The following SORCS2 variants were observed in gnomAD, a reference collection of about 807,000 sequenced individuals.
The protein encoded by SORCS2 is VPS10 domain-containing receptor SorCS2.
In SORCS2, 100 loss-of-function variants were observed where a neutral mutation model predicts 141.6. The observed-to-expected ratio is 0.71, with a 90% CI of 0.60 to 0.83. SORCS2 has a LOEUF of 0.83. Among genes scored for constraint, SORCS2 ranks in the 40% least tolerant of loss-of-function variants. The pLI is 0.00. For missense variants in SORCS2, 1,646 were observed against 1,560.2 expected (o/e 1.05, Z -0.93); for synonymous variants, 789 against 676.9 (o/e 1.17, Z -2.57).
chr4:7,640,052 TGA>T lies in SORCS2; in HGVS notation c.813+1562_813+1563del, dbSNP rs538700660. Among the ~76,000 whole-genome samples the T allele has an allele frequency of 3.8e-4, 29 of 75,434 alleles. No homozygotes were observed. The East Asian group carries it at 0.19, about 494-fold the overall frequency. The allele number at this position is 75,434 out of a possible 152,430, so 49.5% of individuals were successfully genotyped here. On this transcript the variant is annotated intron_variant, in intron 4 of 26. Coordinates refer to ENST00000507866, the MANE Select transcript of SORCS2 (RefSeq NM_020777.3). ...ACGTGAGTGTGCATGTGTGAGAGTG[TGA>T]GTGTGTGTGTTTATGAGTGTGAAAC...
chr4:7,649,275 G>A (rs1393860359), intron 4 of SORCS2, among the ~76,000 whole-genome samples: 1 of 151,496 alleles, frequency 6.6e-6, no homozygotes, highest in African/African-American at 2.4e-5. Context: ...ATGTGTGAGT[G>A]AGCCCTGAGC....
At chr4:7,582,120 A>G (rs1716199657) in intron 3 of SORCS2, among the ~76,000 whole-genome samples, 1 of 152,356 alleles carries the variant, frequency 6.6e-6, no homozygotes, top group Non-Finnish European at 1.5e-5. Flanking sequence ...TATTCTGAGA[A>G]TATTATGCCA....
chr4:7,421,630 T>C (rs1726066105), intron 2 of SORCS2, among the ~76,000 whole-genome samples: 1 of 152,144 alleles, frequency 6.6e-6, no homozygotes, highest in African/African-American at 2.4e-5. Flanking sequence ...TCCCTTTGTG[T>C]GTCTCCTAAG....
intron 3 of SORCS2, among the ~76,000 whole-genome samples, chr4:7,533,936 G>A (rs1346221280): frequency 6.6e-6 from 1 of 152,276 alleles, no homozygotes; most frequent in Admixed American, 6.5e-5. Flanking sequence ...CTGGGGCTGC[G>A]ATGTGGGGTG....
intron 4 of SORCS2, among the ~76,000 whole-genome samples, chr4:7,649,226 G>C (rs753574704): frequency 6.6e-6 from 1 of 152,020 alleles, no homozygotes; most frequent in African/African-American, 2.4e-5. Flanking sequence ...CACAGCACGC[G>C]CAGATGCTCA....
At chr4:7,373,480 T>A (rs12501267) in intron 1 of SORCS2, among the ~76,000 whole-genome samples, 411 of 12,014 alleles carry the variant, frequency 0.034, 24 homozygotes, top group African/African-American at 0.071. Flanking sequence ...ATATATATAT[T>A]TTTTTTTTTT....
chr4:7,290,463 C>T (rs895098884), intron 1 of SORCS2, among the ~76,000 whole-genome samples: 17 of 152,128 alleles, frequency 1.1e-4, no homozygotes, highest in South Asian at 4.1e-4. Context: ...TGATTTTTTT[C>T]CCTTCCTGGA....
At chr4:7,700,263 A>G (rs1724977159) in intron 12 of SORCS2, among the ~76,000 whole-genome samples, 1 of 152,216 alleles carries the variant, frequency 6.6e-6, no homozygotes, top group African/African-American at 2.4e-5. Context: ...TCCACAAAAC[A>G]TTGGCTGAGC....
chr4:7,532,000 G>T (rs555696559), intron 3 of SORCS2, among the ~76,000 whole-genome samples: 1 of 152,228 alleles, frequency 6.6e-6, no homozygotes, highest in Non-Finnish European at 1.5e-5. Context: ...GAGCAGGCCC[G>T]TTCTTCGGAA....
At chr4:7,482,166 T>C (rs1326293289) in intron 2 of SORCS2, among the ~76,000 whole-genome samples, 3 of 45,348 alleles carry the variant, frequency 6.6e-5, no homozygotes, top group Non-Finnish European at 1.2e-4. Context: ...CCCCTGACGC[T>C]GTTCAGACCT....
chr4:7,439,327 A>G (rs570671364), intron 2 of SORCS2, among the ~76,000 whole-genome samples: 1 of 152,292 alleles, frequency 6.6e-6, no homozygotes, highest in Non-Finnish European at 1.5e-5. Context: ...CTTGGCTCCC[A>G]TGATTTTTAA....
rs544182527 is a variant in SORCS2 at position 7,356,717 on chromosome 4, T to C, written c.481-39571T>C. On this transcript the variant is annotated intron_variant, in intron 1 of 26. Coordinates refer to ENST00000507866, the MANE Select transcript of SORCS2 (RefSeq NM_020777.3). Reference sequence around the variant, plus strand: ...AGCAGCCCCTCTCTGTGCTGTAACATAGGCTTCATAAGTGCAGGCCTGGCT... The same window carrying C: ...AGCAGCCCCTCTCTGTGCTGTAACACAGGCTTCATAAGTGCAGGCCTGGCT... Among the ~76,000 whole-genome samples the C allele has an allele frequency of 2.0e-3, 299 of 152,354 alleles. 1 individual carries two copies. Among genetic ancestry groups the C allele is most frequent in the Non-Finnish European group, 3.2e-3 (218 of 68,036 alleles).
chr4:7,507,732 A>G (rs1242205722), intron 2 of SORCS2, among the ~76,000 whole-genome samples: 2 of 127,418 alleles, frequency 1.6e-5, no homozygotes, highest in African/African-American at 2.6e-5. Context: ...TCAGTGGTCC[A>G]TTTTGTACTT....
chr4:7,304,307 C>T lies in SORCS2; in HGVS notation c.481-91981C>T, dbSNP rs1410265470. On this transcript the variant is annotated intron_variant, in intron 1 of 26. Transcript: ENST00000507866. ...GGCTCAAAACCCCCTTTTTCATTAG[C>T]GACGGGGGCAGGTGATGGTTGGTGC... is the stretch of plus-strand genomic sequence containing the variant. Among the ~76,000 whole-genome samples the T allele has an allele frequency of 5.3e-5, 8 of 152,164 alleles. No homozygotes were observed. In the East Asian group the frequency reaches 1.2e-3, roughly 22 times the overall value.
At chr4:7,390,380 G>A (rs970489504) in intron 1 of SORCS2, among the ~76,000 whole-genome samples, 10 of 152,170 alleles carry the variant, frequency 6.6e-5, no homozygotes, top group Non-Finnish European at 1.2e-4. Context: ...GTCCTAAGTT[G>A]GAGGTGCTCA....
chr4:7,524,146 GT>G (rs1304386454), intron 2 of SORCS2, among the ~76,000 whole-genome samples: 8 of 152,218 alleles, frequency 5.3e-5, no homozygotes, highest in African/African-American at 1.9e-4. Flanking sequence ...AACCTCAGGG[GT>G]GACGCTATTG....
chr4:7,579,270 T>G (rs1715979874), intron 3 of SORCS2, among the ~76,000 whole-genome samples: 1 of 152,246 alleles, frequency 6.6e-6, no homozygotes, highest in Admixed American at 6.5e-5. Context: ...ATTATTATGA[T>G]TATTTTAATT....
intron 3 of SORCS2, among the ~76,000 whole-genome samples, chr4:7,544,076 C>CCACA (rs1713056784): frequency 6.6e-6 from 1 of 150,636 alleles, no homozygotes; most frequent in Non-Finnish European, 1.5e-5. Flanking sequence ...ATCCACCCAT[C>CCACA]CATCCATCCA....
In SORCS2 at chr4:7,522,573, C is replaced by A. The variant is rs1360438527; in HGVS notation, c.549-8957C>A. Among the ~76,000 whole-genome samples the A allele has an allele frequency of 4.6e-5, 7 of 152,154 alleles. No individual in the cohort carries two copies. The East Asian group carries it at 1.3e-3, about 29-fold the overall frequency. ...GCACCAGGCACAGAGAGAGGAGGCGCTCAGTAAGCGCTGTCGTCCTACTCC... is the reference window on the plus strand; with the variant it reads ...GCACCAGGCACAGAGAGAGGAGGCGATCAGTAAGCGCTGTCGTCCTACTCC... On this transcript the variant is annotated intron_variant, in intron 2 of 26. Coordinates refer to ENST00000507866, the MANE Select transcript of SORCS2 (RefSeq NM_020777.3).
Sources: allele counts gnomAD v4.1 joint callset (sites outside exome capture counted in the v4.1 genomes callset), GRCh38; gene constraint gnomAD v4.1.1; transcripts MANE v1.5; gene names NCBI Gene and HGNC (gene_info 2026-07-23, HGNC 2026-07-21).